DOK5: variants seen among roughly 807,000 people sequenced by gnomAD.
The protein encoded by DOK5 is downstream of tyrosine kinase 5.
Under a neutral mutation model 43.3 loss-of-function variants are expected in DOK5, and 27 were observed. The ratio of observed to expected loss-of-function variants is 0.62; its 90% confidence interval spans 0.46 to 0.86. The LOEUF (loss-of-function observed/expected upper bound fraction) is 0.86. Ranked by LOEUF, DOK5 falls within the 40% of genes least tolerant of loss-of-function variation. The pLI is 0.00. For missense variants in DOK5, 373 were observed against 392.9 expected (o/e 0.95, Z 0.43); for synonymous variants, 146 against 140.1 (o/e 1.04, Z -0.30).
intron 6 of DOK5, among the ~76,000 whole-genome samples, chr20:54,622,341 G>A (rs954114042): frequency 4.6e-5 from 7 of 152,198 alleles, no homozygotes; most frequent in Admixed American, 6.5e-5. Flanking sequence ...TTAAATTTGC[G>A]ATGGCTTTGT....
At chr20:54,485,556 C>T (rs34433522) in intron 1 of DOK5, among the ~76,000 whole-genome samples, 30,313 of 151,972 alleles carry the variant, frequency 0.2, 5,051 homozygotes, top group African/African-American at 0.46. Flanking sequence ...ACTCACCTGT[C>T]GAAGGACATG....
intron 1 of DOK5, among the ~76,000 whole-genome samples, chr20:54,492,195 C>G (rs1982207883): frequency 6.6e-6 from 1 of 152,062 alleles, no homozygotes; most frequent in Non-Finnish European, 1.5e-5. Flanking sequence ...CAACCCCAGA[C>G]TGGTCTCACT....
chr20:54,646,483 G>A (rs1451822438), intron 7 of DOK5, among the ~76,000 whole-genome samples: 1 of 151,912 alleles, frequency 6.6e-6, no homozygotes, highest in Non-Finnish European at 1.5e-5. Flanking sequence ...AAACTTCTGA[G>A]CTCAAGTAGT....
chr20:54,568,588 A>G (rs920414411), intron 2 of DOK5, among the ~76,000 whole-genome samples: 3 of 152,174 alleles, frequency 2.0e-5, no homozygotes, highest in East Asian at 1.9e-4. Flanking sequence ...TTCTCTTTAC[A>G]CTTCTTATTT....
intron 1 of DOK5, among the ~76,000 whole-genome samples, chr20:54,551,341 G>A (rs1984523226): frequency 6.6e-6 from 1 of 151,992 alleles, no homozygotes; most frequent in Non-Finnish European, 1.5e-5. Context: ...TTTTCTTCCA[G>A]TCTCTCACTT....
At chr20:54,515,303 G>A (rs1035957674) in intron 1 of DOK5, among the ~76,000 whole-genome samples, 11 of 152,268 alleles carry the variant, frequency 7.2e-5, no homozygotes, top group East Asian at 1.9e-4. Context: ...ATGAGCCACC[G>A]TGCCCGGCCA....
At chr20:54,568,575 T>G (rs2146744745) in intron 2 of DOK5, among the ~76,000 whole-genome samples, 1 of 152,318 alleles carries the variant, frequency 6.6e-6, no homozygotes, top group South Asian at 2.1e-4. Context: ...GCAGATTTAT[T>G]TTTTCTCTTT....
intron 1 of DOK5, among the ~76,000 whole-genome samples, chr20:54,495,928 G>A (rs1982373952): frequency 6.6e-6 from 1 of 152,140 alleles, no homozygotes; most frequent in Non-Finnish European, 1.5e-5. Flanking sequence ...GGCTTCTGGG[G>A]TACCTCTAAG....
intron 1 of DOK5, among the ~76,000 whole-genome samples, chr20:54,497,641 A>C (rs1045153198): frequency 6.6e-6 from 1 of 152,216 alleles, no homozygotes; most frequent in African/African-American, 2.4e-5. Flanking sequence ...GAGTGTCAGA[A>C]AAAAAGGAAT....
intron 1 of DOK5, 146 bp downstream of exon 1, chr20:54,476,158 G>A (rs1460004639): frequency 1.3e-6 from 2 of 1,518,158 alleles, no homozygotes; most frequent in East Asian, 2.4e-5. Flanking sequence ...CGCGTCTCCG[G>A]GGCTGTCACT....
intron 6 of DOK5, among the ~76,000 whole-genome samples, chr20:54,632,500 G>A (rs1250229546): frequency 1.3e-5 from 2 of 152,148 alleles, no homozygotes; most frequent in South Asian, 2.1e-4. Flanking sequence ...TAAATTATGC[G>A]TGGCCTAAGA....
At chr20:54,552,080 G>C (rs1422906031) in intron 1 of DOK5, among the ~76,000 whole-genome samples, 1 of 152,102 alleles carries the variant, frequency 6.6e-6, no homozygotes, top group Non-Finnish European at 1.5e-5. Flanking sequence ...CATCCATCTT[G>C]GCCTCCCAAA....
intron 5 of DOK5, among the ~76,000 whole-genome samples, chr20:54,605,128 A>ACAAACAC (rs1986432817): frequency 7.8e-6 from 1 of 128,624 alleles, no homozygotes; most frequent in Non-Finnish European, 1.5e-5. Flanking sequence ...CACACACACA[A>ACAAACAC]ACACACACAG....
At chr20:54,595,211 G>A (rs1420461106) in intron 5 of DOK5, among the ~76,000 whole-genome samples, 2 of 152,066 alleles carry the variant, frequency 1.3e-5, no homozygotes, top group Non-Finnish European at 2.9e-5. Flanking sequence ...CGTGGTAGTG[G>A]GCACCTGTGG....
chr20:54,482,857 A>G (rs1981776809), intron 1 of DOK5, among the ~76,000 whole-genome samples: 1 of 152,224 alleles, frequency 6.6e-6, no homozygotes, highest in African/African-American at 2.4e-5. Context: ...GCACATATGA[A>G]CTCATGCAAC....
intron 1 of DOK5, among the ~76,000 whole-genome samples, chr20:54,514,857 C>T (rs953691495): frequency 6.6e-6 from 1 of 151,838 alleles, no homozygotes; most frequent in Non-Finnish European, 1.5e-5. Flanking sequence ...ACCTGCCTTC[C>T]CCCATTTCTC....
intron 1 of DOK5, chr20:54,494,834 C>T (rs1375892858): frequency 6.6e-6 from 1 of 152,004 alleles, no homozygotes; most frequent in Admixed American, 6.6e-5. Context: ...AGTGAACACC[C>T]TGCATGCAGA....
chr20:54,577,273 A>G (rs1279389707), intron 2 of DOK5, among the ~76,000 whole-genome samples: 1 of 152,200 alleles, frequency 6.6e-6, no homozygotes, highest in African/African-American at 2.4e-5. Flanking sequence ...ATCATTCAGT[A>G]TTCTGTGTTT....
intron 1 of DOK5, among the ~76,000 whole-genome samples, chr20:54,476,381 A>C (rs1159337481): frequency 1.3e-5 from 2 of 152,010 alleles, no homozygotes; most frequent in Non-Finnish European, 2.9e-5. Flanking sequence ...ACTCGCCGCC[A>C]ACTTAACTTT....
Sources: allele counts gnomAD v4.1 joint callset (sites outside exome capture counted in the v4.1 genomes callset), GRCh38; gene constraint gnomAD v4.1.1; transcripts MANE v1.5; gene names NCBI Gene and HGNC (gene_info 2026-07-23, HGNC 2026-07-21).